The following RPRD1A variants were observed in gnomAD, a reference collection of about 807,000 sequenced individuals.
RPRD1A encodes the protein regulation of nuclear pre-mRNA domain containing 1A.
A neutral mutation model predicts 37.8 loss-of-function variants in RPRD1A; 9 were observed. The ratio of observed to expected loss-of-function variants is 0.24; its 90% CI spans 0.14 to 0.42. The LOEUF is 0.42. Among genes scored for constraint, RPRD1A ranks in the 10% least tolerant of loss-of-function variants. RPRD1A has a pLI of 1.00. For missense variants in RPRD1A, 255 were observed against 371.0 expected (o/e 0.69, Z 2.57); for synonymous variants, 138 against 139.7 (o/e 0.99, Z 0.08).
intron 1 of RPRD1A, among the ~76,000 whole-genome samples, chr18:36,035,002 T>A (rs1912089849): frequency 6.6e-6 from 1 of 152,182 alleles, no homozygotes; most frequent in African/African-American, 2.4e-5. Context: ...TTTTCATGAT[T>A]TTGCAAGTTG....
chr18:35,999,929 C>T (rs1909315164), intron 6 of RPRD1A, among the ~76,000 whole-genome samples: 1 of 152,162 alleles, frequency 6.6e-6, no homozygotes. Flanking sequence ...AGCTTCAGTT[C>T]TCATTATTAG....
intron 2 of RPRD1A, among the ~76,000 whole-genome samples, chr18:36,032,740 G>T (rs957699995): frequency 1.3e-5 from 2 of 152,334 alleles, no homozygotes; most frequent in African/African-American, 4.8e-5. Flanking sequence ...TTCTTGCATA[G>T]GCACCTGGAT....
chr18:36,016,519 G>A (rs1050609173), intron 6 of RPRD1A, among the ~76,000 whole-genome samples: 8 of 152,080 alleles, frequency 5.3e-5, no homozygotes, highest in Non-Finnish European at 8.8e-5. Flanking sequence ...CACCGCGCCC[G>A]GCCTGTTTTG....
At chr18:36,045,274 CA>C (rs540317081) in intron 1 of RPRD1A, among the ~76,000 whole-genome samples, 2 of 151,168 alleles carry the variant, frequency 1.3e-5, no homozygotes, top group African/African-American at 2.4e-5. Flanking sequence ...ATAGAGGTCG[CA>C]AAAAAAACTA....
intron 6 of RPRD1A, among the ~76,000 whole-genome samples, chr18:35,998,152 A>G (rs1489148010): frequency 6.6e-6 from 1 of 152,184 alleles, no homozygotes; most frequent in Non-Finnish European, 1.5e-5. Flanking sequence ...TGAGGTCACG[A>G]GTTCAAGACC....
chr18:36,031,136 A>G, intron 2 of RPRD1A, 39 bp from the exon 3 acceptor site: 1 of 1,489,868 alleles, frequency 6.7e-7, no homozygotes, highest in South Asian at 1.4e-5. Flanking sequence ...AAATGTTAAC[A>G]GTAACAATGC....
intron 6 of RPRD1A, among the ~76,000 whole-genome samples, chr18:36,001,787 G>C (rs1290505876): frequency 6.6e-6 from 1 of 152,152 alleles, no homozygotes. Flanking sequence ...AATATAGTTA[G>C]GCAAACATTG....
chr18:36,029,714 TTAAGA>T (rs1320430655), intron 4 of RPRD1A, among the ~76,000 whole-genome samples: 1 of 152,048 alleles, frequency 6.6e-6, no homozygotes, highest in African/African-American at 2.4e-5. Context: ...ACACAGAGTG[TTAAGA>T]TAATAATTCT....
intron 6 of RPRD1A, among the ~76,000 whole-genome samples, chr18:36,023,657 A>G (rs1911157572): frequency 6.6e-6 from 1 of 152,236 alleles, no homozygotes; most frequent in African/African-American, 2.4e-5. Context: ...CAACTGATGC[A>G]GCAAACTTTA....
chr18:35,992,536 T>C lies in RPRD1A; in HGVS notation c.*615A>G, dbSNP rs1598586134. ...ACACTGGCAGTTGGAATGGAACTTT[T>C]ACAATGCTATTAAGGAACAGTTCTC... On this transcript the variant is annotated 3_prime_UTR_variant, in exon 7 of 7. Coordinates refer to ENST00000399022, the MANE Select transcript of RPRD1A (RefSeq NM_018170.5). The C allele has an allele frequency of 6.6e-6, 1 of 152,208 alleles. No individual in the cohort carries two copies. Among genetic ancestry groups the C allele is most frequent in the Non-Finnish European group, 1.5e-5 (1 of 68,026 alleles). The allele number at this position is 152,208 out of a possible 1,614,324, so 9.4% of individuals were successfully genotyped here.
intron 6 of RPRD1A, among the ~76,000 whole-genome samples, chr18:36,008,417 A>G (rs1231576846): frequency 6.6e-6 from 1 of 151,276 alleles, no homozygotes; most frequent in African/African-American, 2.4e-5. Flanking sequence ...CTCTACAGAA[A>G]GCACAAAAAT....
At chr18:36,061,882 T>A (rs1352583360) in intron 1 of RPRD1A, among the ~76,000 whole-genome samples, 1 of 152,180 alleles carries the variant, frequency 6.6e-6, no homozygotes, top group Non-Finnish European at 1.5e-5. Flanking sequence ...ATAGGCTCAG[T>A]GTCATTAGTC....
chr18:36,043,969 A>G (rs987544263), intron 1 of RPRD1A, among the ~76,000 whole-genome samples: 3 of 152,248 alleles, frequency 2.0e-5, no homozygotes, highest in African/African-American at 7.2e-5. Context: ...CTGATAACAT[A>G]AATAACACAT....
chr18:36,052,289 G>T (rs1913454145), intron 1 of RPRD1A, among the ~76,000 whole-genome samples: 1 of 151,122 alleles, frequency 6.6e-6, no homozygotes, highest in Admixed American at 6.6e-5. Context: ...TGACCTACAA[G>T]AAATCCTAAA....
At chr18:36,005,409 T>C (rs995829726) in intron 6 of RPRD1A, among the ~76,000 whole-genome samples, 20 of 152,030 alleles carry the variant, frequency 1.3e-4, no homozygotes, top group Admixed American at 3.9e-4. Context: ...TTTCACTGAT[T>C]GCTGTAAATT....
intron 1 of RPRD1A, among the ~76,000 whole-genome samples, chr18:36,066,023 C>T (rs2144447955): frequency 6.6e-6 from 1 of 152,240 alleles, no homozygotes; most frequent in Non-Finnish European, 1.5e-5. Context: ...AATGTAAAAG[C>T]AAAGCTAATT....
intron 1 of RPRD1A, among the ~76,000 whole-genome samples, chr18:36,034,164 G>A (rs1912018794): frequency 6.6e-6 from 1 of 151,992 alleles, no homozygotes; most frequent in Non-Finnish European, 1.5e-5. Flanking sequence ...ATCCTACATT[G>A]AATTTAGGAT....
intron 6 of RPRD1A, among the ~76,000 whole-genome samples, chr18:35,997,922 C>T (rs1471629118): frequency 6.6e-6 from 1 of 152,162 alleles, no homozygotes; most frequent in Non-Finnish European, 1.5e-5. Flanking sequence ...TCCTTCATAA[C>T]GTTCTTTACC....
At position 36,032,523 on chromosome 18, in the gene RPRD1A, A is replaced by G. The variant is rs560823778; in HGVS notation, c.281+1185T>C. Among the ~76,000 whole-genome samples, 3 of 152,314 alleles carry G rather than the reference A, an allele frequency of 2.0e-5. No homozygotes were observed. The East Asian group carries it at 5.8e-4, about 29-fold the overall frequency. ...GACTTCATCTCTAAAACAAATGGGA[A>G]CCACTCAAAGGCAAGGAAGTATTAT... On this transcript the variant is annotated intron_variant, in intron 2 of 6. Coordinates refer to ENST00000399022, the MANE Select transcript of RPRD1A (RefSeq NM_018170.5).
Sources: gnomAD v4.1 joint callset for allele counts (sites outside exome capture counted in the v4.1 genomes callset) on GRCh38, gnomAD v4.1.1 for gene constraint, MANE v1.5 for transcripts, NCBI Gene and HGNC (gene_info 2026-07-23, HGNC 2026-07-21) for gene names.